Variants in AGBL1 observed in about 807,000 individuals in gnomAD.
AGBL1 encodes the protein AGBL carboxypeptidase 1, also known as cytosolic carboxypeptidase 4.
In AGBL1, 130 loss-of-function variants were observed where a neutral mutation model predicts 118.9. The observed-to-expected ratio is 1.09, with a 90% CI of 0.95 to 1.26. AGBL1 has a LOEUF of 1.26. Among genes scored for constraint, AGBL1 ranks in the 50% most tolerant of loss-of-function variants. The pLI, the probability that AGBL1 is intolerant of heterozygous loss-of-function variation, is 0.00. For missense variants in AGBL1, 1,584 were observed against 1,298.1 expected (o/e 1.22, Z -3.38); for synonymous variants, 555 against 478.9 (o/e 1.16, Z -2.08).
chr15:86,845,405 C>T (rs2347242), intron 22 of AGBL1, among the ~76,000 whole-genome samples: 111,997 of 151,994 alleles, frequency 0.74, 41,271 homozygotes, highest in Non-Finnish European at 0.77. Context: ...ACCGTATGAA[C>T]TGAGTTGTGA....
chr15:86,144,173 C>T (rs978296895), intron 3 of AGBL1, among the ~76,000 whole-genome samples: 6 of 152,116 alleles, frequency 3.9e-5, no homozygotes, highest in Admixed American at 3.9e-4. Context: ...CTAAAAGTTG[C>T]ATCACAAGGT....
chr15:86,692,012 C>G (rs1468671893), intron 22 of AGBL1, among the ~76,000 whole-genome samples: 1 of 151,726 alleles, frequency 6.6e-6, no homozygotes. Flanking sequence ...GAGGCTTGTC[C>G]CTCTCTTAAT....
intron 18 of AGBL1, among the ~76,000 whole-genome samples, chr15:86,400,859 C>T (rs1157992593): frequency 6.6e-6 from 1 of 151,992 alleles, no homozygotes; most frequent in Non-Finnish European, 1.5e-5. Context: ...TCTTTATCCA[C>T]TCATAGGTTG....
At chr15:86,098,948 G>A (rs955416148) in intron 1 of AGBL1, among the ~76,000 whole-genome samples, 2 of 152,012 alleles carry the variant, frequency 1.3e-5, no homozygotes, top group African/African-American at 4.8e-5. Context: ...CATGAGCATT[G>A]GATGTCTTTC....
intron 18 of AGBL1, among the ~76,000 whole-genome samples, chr15:86,423,158 C>T (rs1280959385): frequency 1.3e-5 from 2 of 152,286 alleles, no homozygotes; most frequent in South Asian, 4.1e-4. Flanking sequence ...GGCCAATATC[C>T]CTGATGAATA....
At chr15:86,232,298 T>A (rs2078469151) in intron 6 of AGBL1, among the ~76,000 whole-genome samples, 1 of 152,236 alleles carries the variant, frequency 6.6e-6, no homozygotes, top group African/African-American at 2.4e-5. Context: ...GGCCTTGGGC[T>A]GAGCCGCAGA....
chr15:86,157,171 G>A (rs766628434), intron 4 of AGBL1, among the ~76,000 whole-genome samples: 1 of 152,070 alleles, frequency 6.6e-6, no homozygotes, highest in Non-Finnish European at 1.5e-5. Context: ...GGGGAATAAT[G>A]GGATAGATGC....
chr15:86,747,753 T>G (rs1004250699), intron 22 of AGBL1, among the ~76,000 whole-genome samples: 4 of 152,208 alleles, frequency 2.6e-5, no homozygotes, highest in African/African-American at 9.7e-5. Flanking sequence ...CTTGAGATAC[T>G]TTGCTGAGAA....
At chr15:86,484,824 TTCAAAACTTTACA>T (rs2041224282) in intron 18 of AGBL1, among the ~76,000 whole-genome samples, 1 of 152,136 alleles carries the variant, frequency 6.6e-6, no homozygotes, top group Admixed American at 6.6e-5. Flanking sequence ...TGAGAACTTT[TTCAAAACTTTACA>T]TCAGGCCAGA....
chr15:86,390,695 G>C (rs2081265624), intron 17 of AGBL1, among the ~76,000 whole-genome samples: 1 of 85,768 alleles, frequency 1.2e-5, no homozygotes, highest in African/African-American at 5.1e-5. Flanking sequence ...TTGAGACAGA[G>C]TTTTGCTCTT....
At chr15:86,621,304 G>T (rs1343146273) in intron 21 of AGBL1, among the ~76,000 whole-genome samples, 3 of 152,202 alleles carry the variant, frequency 2.0e-5, no homozygotes, top group African/African-American at 7.2e-5. Flanking sequence ...TCAAGTCCTT[G>T]CTCTGCCGTT....
chr15:86,551,605 T>C (rs1018224724), intron 20 of AGBL1, among the ~76,000 whole-genome samples: 1 of 152,210 alleles, frequency 6.6e-6, no homozygotes, highest in Non-Finnish European at 1.5e-5. Context: ...AATGGCTTTG[T>C]TGATACATTC....
At position 86,935,139 on chromosome 15, in the gene AGBL1, C is replaced by G. The variant is rs2080652954; in HGVS notation, c.3222-52848C>G. 3.9e-5 allele frequency: 6 copies of G among 152,174 alleles called. No individual in the cohort carries two copies. In the South Asian group the frequency reaches 1.2e-3, roughly 32 times the overall value. 9.4% of individuals were successfully genotyped at this position (152,174 alleles called of 1,614,324 possible). On this transcript the variant is annotated intron_variant, in intron 23 of 24. Transcript: ENST00000441037. ...GAAAATGAACTCAGCGGATTTTCTC[C>G]CCGATTCCTCTCCATTTTCTGTTTT...
intron 23 of AGBL1, among the ~76,000 whole-genome samples, chr15:86,981,888 G>C (rs1032231825): frequency 2.0e-5 from 3 of 152,158 alleles, no homozygotes; most frequent in African/African-American, 7.2e-5. Flanking sequence ...GTGGATCTTA[G>C]TCCAGCAGAA....
In AGBL1 at chr15:86,554,475, G is replaced by A. The variant is rs1261100446; in HGVS notation, c.2932G>A (p.Gly978Arg). The change falls in exon 21 of 23, where the codon GGG becomes AGG. Residue 978 changes from glycine to arginine, a missense_variant. Transcript: ENST00000614907. The stretch of plus-strand genomic sequence containing the variant: ...CCGGGTGGTGGTGTGGAGAGAGATG[G>A]GGGTGTCCAGAAGCTACACCATGGA... ...TARVVVWREM[G>R]VSRSYTMESS... 1 of 1,586,468 alleles carries A rather than the reference G, an allele frequency of 6.3e-7. No homozygotes were observed. Among genetic ancestry groups the A allele is most frequent in the Non-Finnish European group, 8.6e-7 (1 of 1,166,860 alleles).
intron 1 of AGBL1, among the ~76,000 whole-genome samples, chr15:86,120,818 TA>T (rs1898050411): frequency 6.6e-6 from 1 of 152,164 alleles, no homozygotes; most frequent in African/African-American, 2.4e-5. Flanking sequence ...GCCCCAAGGA[TA>T]AAAGAAACTT....
At chr15:86,887,792 A>G (rs192159492) in intron 22 of AGBL1, among the ~76,000 whole-genome samples, 2 of 152,278 alleles carry the variant, frequency 1.3e-5, no homozygotes, top group East Asian at 1.9e-4. Flanking sequence ...GACTTCGACA[A>G]TTCTCCAATT....
intron 21 of AGBL1, among the ~76,000 whole-genome samples, chr15:86,562,135 A>G (rs2083833460): frequency 6.6e-6 from 1 of 152,184 alleles, no homozygotes; most frequent in African/African-American, 2.4e-5. Flanking sequence ...TCCTAATGGA[A>G]TACCCTTTAT....
At chr15:86,595,850 T>C (rs2084398167) in intron 21 of AGBL1, among the ~76,000 whole-genome samples, 1 of 151,950 alleles carries the variant, frequency 6.6e-6, no homozygotes, top group African/African-American at 2.4e-5. Context: ...CACTGCTGAT[T>C]GGTTGGAGAT....
Sources: allele counts gnomAD v4.1 joint callset (sites outside exome capture counted in the v4.1 genomes callset), GRCh38; gene constraint gnomAD v4.1.1; transcripts MANE v1.5; gene names NCBI Gene and HGNC (gene_info 2026-07-23, HGNC 2026-07-21).